DOP1B: variants seen among roughly 807,000 people sequenced by gnomAD.
DOP1B encodes the protein DOP1 leucine zipper like protein B.
Under a neutral mutation model 233.5 loss-of-function variants are expected in DOP1B, and 174 were observed. That is an observed-to-expected ratio of 0.75 (90% CI 0.66 to 0.85). The LOEUF (loss-of-function observed/expected upper bound fraction) is 0.85. Among genes scored for constraint, DOP1B ranks in the 40% least tolerant of loss-of-function variants. The pLI, the probability that DOP1B is intolerant of heterozygous loss-of-function variation, is 0.00. For synonymous variants in DOP1B, 1,190 were observed against 1,185.6 expected (o/e 1.00, Z -0.08); for missense variants, 2,652 against 2,846.6 (o/e 0.93, Z 1.56).
At chr21:36,228,934 G>A (rs969321202) in intron 13 of DOP1B, among the ~76,000 whole-genome samples, 3 of 152,134 alleles carry the variant, frequency 2.0e-5, no homozygotes, top group African/African-American at 7.2e-5. Flanking sequence ...TTGCACGGCT[G>A]CACTCCAGCC....
intron 2 of DOP1B, among the ~76,000 whole-genome samples, chr21:36,191,818 C>T (rs1022827147): frequency 6.6e-6 from 1 of 151,944 alleles, no homozygotes; most frequent in East Asian, 1.9e-4. Flanking sequence ...CTCTTACAGC[C>T]TTAGCCAGCA....
At position 36,183,164 on chromosome 21, in the gene DOP1B, C is replaced by T. The variant is rs555288066; in HGVS notation, c.139-15906C>T. Among the ~76,000 whole-genome samples the T allele has an allele frequency of 5.3e-5, 8 of 152,282 alleles. No homozygotes were observed. In the South Asian group the frequency reaches 1.0e-3, roughly 20 times the overall value. On this transcript the variant is annotated intron_variant, in intron 2 of 36. Coordinates refer to ENST00000691173, the MANE Select transcript of DOP1B (RefSeq NM_001320714.2). ...TCCTGAGTAGCTGGGATCACAGGTG[C>T]GCGCCACTGTGCCCAGCTCTCTGTA...
chr21:36,241,833 G>T (rs1001346904), intron 18 of DOP1B, among the ~76,000 whole-genome samples: 5 of 149,916 alleles, frequency 3.3e-5, no homozygotes, highest in African/African-American at 1.2e-4. Flanking sequence ...GAGCCACCAC[G>T]CCTGGCTATC....
chr21:36,184,267 T>C (rs1176299390), intron 2 of DOP1B, among the ~76,000 whole-genome samples: 2 of 152,158 alleles, frequency 1.3e-5, no homozygotes, highest in Non-Finnish European at 2.9e-5. Flanking sequence ...CAGGCTGGTC[T>C]CAAACTCCCG....
rs542820989 is a variant in DOP1B, at chr21:36,169,079, G to A, written c.138+4208G>A. On this transcript the variant is annotated intron_variant, in intron 2 of 36. Transcript: ENST00000691173. ...ATAGCCAAACTTGGAGGTGGTGTCA[G>A]TGAACTTAAGGTCAGTCTTCTCCAG... 4.6e-6 allele frequency: 4 copies of A among 869,726 alleles called. No homozygotes were observed. The South Asian group carries it at 5.2e-5, about 11-fold the overall frequency. The allele number at this position is 869,726 out of a possible 1,614,324, so 53.9% of individuals were successfully genotyped here.
intron 1 of DOP1B, among the ~76,000 whole-genome samples, chr21:36,161,659 C>G (rs557467718): frequency 6.6e-6 from 1 of 152,202 alleles, no homozygotes; most frequent in East Asian, 1.9e-4. Context: ...CAGATAATTT[C>G]AGTGATTTTT....
chr21:36,182,924 A>G (rs189932022), intron 2 of DOP1B, among the ~76,000 whole-genome samples: 296 of 152,344 alleles, frequency 1.9e-3, no homozygotes, highest in African/African-American at 6.6e-3. Flanking sequence ...AACCAAATGC[A>G]GAAATGAGCT....
rs781722454 is a variant in DOP1B, at chr21:36,263,790, C to A, written c.5463C>A (p.Asn1821Lys). Reference protein sequence around the residue: ...DFVTRTPNLENKKDQKDLQEI... With the variant: ...DFVTRTPNLEKKKDQKDLQEI... Reference sequence around the variant, plus strand: ...TAACAAGAACTCCCAACCTGGAAAACAAGAAGGACCAAAAAGACCTGCAGG... The same window carrying A: ...TAACAAGAACTCCCAACCTGGAAAAAAAGAAGGACCAAAAAGACCTGCAGG... The change falls in exon 26 of 37, where the codon AAC becomes AAA. Residue 1821 changes from asparagine (N) to lysine (K), a missense_variant. Asn to Lys is a moderately conservative substitution (Grantham distance 94, BLOSUM62 0). Transcript: ENST00000691173. 1 of 1,614,194 alleles carries A rather than the reference C, an allele frequency of 6.2e-7. No individual in the cohort carries two copies. Among genetic ancestry groups the A allele is most frequent in the Non-Finnish European group, 8.5e-7 (1 of 1,180,040 alleles).
intron 2 of DOP1B, among the ~76,000 whole-genome samples, chr21:36,187,849 C>T (rs2066181883): frequency 6.6e-6 from 1 of 152,088 alleles, no homozygotes; most frequent in African/African-American, 2.4e-5. Flanking sequence ...AATTCACCTG[C>T]CTCGGCCTCC....
intron 4 of DOP1B, among the ~76,000 whole-genome samples, chr21:36,202,756 G>A (rs553793837): frequency 4.6e-5 from 7 of 152,250 alleles, no homozygotes; most frequent in South Asian, 2.1e-4. Flanking sequence ...AATCTGTCTC[G>A]TTGCGGTTTT....
chr21:36,248,514 C>G lies in DOP1B; in HGVS notation c.4944C>G (p.Val1648=), dbSNP rs752593884. 1.9e-5 allele frequency: 31 copies of G among 1,613,920 alleles called. No homozygotes were observed. Among genetic ancestry groups the G allele is most frequent in the Non-Finnish European group, 2.5e-5 (30 of 1,179,980 alleles). The change falls in exon 21 of 37, where the codon GTC becomes GTG. Residue 1648 remains valine (V), a synonymous_variant. Transcript: ENST00000691173. ...AGGAGGAGACTCAAAAGAGACCTGT[C>G]GATCTCCTAGGGGCCACGAAGGGAT... ...LRKEETQKRP[V]DLLGATKGSS...
In DOP1B at chr21:36,292,150, T is replaced by C; in HGVS notation, c.6562T>C (p.Phe2188Leu). 1.2e-6 allele frequency: 2 copies of C among 1,612,258 alleles called. No individual in the cohort carries two copies. Among genetic ancestry groups the C allele is most frequent in the East Asian group, 2.2e-5 (1 of 44,846 alleles). The change falls in exon 36 of 37, where the codon TTC becomes CTC. Residue 2188 changes from phenylalanine to leucine, a missense_variant. Coordinates refer to ENST00000691173, the MANE Select transcript of DOP1B (RefSeq NM_001320714.2). ...AGAAGTGGACACAGAGGGCCCTGCC[T>C]TCCTGTCGGATGTAGAGGAGAATCA... ...IPEVDTEGPA[F>L]LSDVEENHQE...
chr21:36,286,094 G>C (rs2067480867), intron 32 of DOP1B, among the ~76,000 whole-genome samples: 1 of 152,058 alleles, frequency 6.6e-6, no homozygotes, highest in Non-Finnish European at 1.5e-5. Context: ...CCCGGACACT[G>C]TTGCACCATC....
At chr21:36,238,160 C>T (rs886595819) in intron 16 of DOP1B, among the ~76,000 whole-genome samples, 2 of 152,176 alleles carry the variant, frequency 1.3e-5, no homozygotes, top group Admixed American at 6.5e-5. Context: ...GAGCAAGACT[C>T]CGTCTCAAAA....
intron 2 of DOP1B, among the ~76,000 whole-genome samples, chr21:36,177,280 G>A (rs2066042477): frequency 6.6e-6 from 1 of 152,340 alleles, no homozygotes; most frequent in East Asian, 1.9e-4. Context: ...CTTCACAGCA[G>A]CCTCAGTGAG....
chr21:36,282,384 C>T (rs1369356356), intron 32 of DOP1B, among the ~76,000 whole-genome samples: 2 of 152,206 alleles, frequency 1.3e-5, no homozygotes, highest in Admixed American at 6.5e-5. Context: ...CACCACTGCA[C>T]TCCAGCCTGG....
At chr21:36,262,846 G>A (rs574419511) in intron 24 of DOP1B, among the ~76,000 whole-genome samples, 2 of 151,732 alleles carry the variant, frequency 1.3e-5, no homozygotes, top group Admixed American at 6.6e-5. Flanking sequence ...AGCTCAGATC[G>A]TGCCACTGCA....
intron 10 of DOP1B, among the ~76,000 whole-genome samples, chr21:36,222,792 G>C (rs2066641155): frequency 6.6e-6 from 1 of 151,806 alleles, no homozygotes; most frequent in South Asian, 2.1e-4. Context: ...CTGGAGTGCA[G>C]TGGCTCAATC....
At chr21:36,256,644 T>C (rs1441199942) in intron 23 of DOP1B, among the ~76,000 whole-genome samples, 14 of 151,984 alleles carry the variant, frequency 9.2e-5, no homozygotes, top group Admixed American at 9.2e-4. Flanking sequence ...TCGAGAGGAA[T>C]GAAATTCTGA....
Sources: gnomAD v4.1 joint callset for allele counts (sites outside exome capture counted in the v4.1 genomes callset) on GRCh38, gnomAD v4.1.1 for gene constraint, MANE v1.5 for transcripts, NCBI Gene and HGNC (gene_info 2026-07-23, HGNC 2026-07-21) for gene names.